Variants in ANKMY1 observed in about 807,000 individuals in gnomAD.
ANKMY1 encodes the protein ankyrin repeat and MYND domain-containing protein 1.
In ANKMY1, 98 loss-of-function variants were observed where a neutral mutation model predicts 102.0. That is an observed-to-expected ratio of 0.96 (90% CI 0.82 to 1.14). The LOEUF (loss-of-function observed/expected upper bound fraction) is 1.14, where lower values mean the gene tolerates loss of function less well. ANKMY1 is among the 50% of genes most tolerant of loss of function. The probability of loss-of-function intolerance (pLI) is 0.00; values close to 1 mark genes in which losing one functional copy is unlikely to be tolerated. For missense variants in ANKMY1, 1,330 were observed against 1,347.6 expected, an observed-to-expected ratio of 0.99 and a Z score of 0.20; for synonymous variants, 582 against 559.9, an observed-to-expected ratio of 1.04 and a Z score of -0.56.
intron 4 of ANKMY1, among the ~76,000 whole-genome samples, chr2:240,542,080 C>T (rs1200716317): frequency 6.6e-6 from 1 of 151,938 alleles, no homozygotes; most frequent in Admixed American, 6.6e-5. Context: ...TAGTGGCGTT[C>T]GCCTGTAATC....
intron 4 of ANKMY1, among the ~76,000 whole-genome samples, chr2:240,537,085 G>A (rs1015981882): frequency 1.1e-4 from 17 of 152,126 alleles, no homozygotes; most frequent in Non-Finnish European, 5.9e-5. Flanking sequence ...AAACAGCACA[G>A]CAAGAAAAAC....
At chr2:240,505,319 G>A (rs191085596) in intron 13 of ANKMY1, among the ~76,000 whole-genome samples, 42 of 152,038 alleles carry the variant, frequency 2.8e-4, no homozygotes, top group Admixed American at 1.2e-3. Flanking sequence ...AAAATCAGCC[G>A]GGTGTGGTGG....
At chr2:240,559,346 AG>A (rs1374648264), upstream of ANKMY1, among the ~76,000 whole-genome samples, 2 of 152,220 alleles carry the variant, frequency 1.3e-5, no homozygotes, top group Non-Finnish European at 2.9e-5. Context: ...GTGGCCCAAC[AG>A]TGGCATCAAG....
chr2:240,537,853 G>A (rs1330970142), intron 4 of ANKMY1, among the ~76,000 whole-genome samples: 1 of 152,218 alleles, frequency 6.6e-6, no homozygotes, highest in Non-Finnish European at 1.5e-5. Flanking sequence ...CCAATCAAAT[G>A]TAGCCACTGT....
intron 15 of ANKMY1, among the ~76,000 whole-genome samples, chr2:240,493,798 A>G (rs1435333499): frequency 6.6e-6 from 1 of 152,150 alleles, no homozygotes; most frequent in African/African-American, 2.4e-5. Context: ...GTTGGCAACT[A>G]CTGGCAGGTC....
chr2:240,526,237 C>G lies in ANKMY1; in HGVS notation c.1162G>C (p.Ala388Pro). ...ADAKGYTVLAAAATHCHNDIV... is the reference protein window; with the variant it reads ...ADAKGYTVLAPAATHCHNDIV... ...GAGGGTGTGGGGCTTACAGCAGCCG[C>G]AGCAAGCACAGTGTAGCCCTTTGCG... is the stretch of plus-strand genomic sequence containing the variant. The change falls in exon 6 of 18, where the codon GCG becomes CCG. Residue 388 changes from alanine (A) to proline (P), a missense_variant. Coordinates refer to ENST00000401804, the MANE Select transcript of ANKMY1 (RefSeq NM_001282771.3). 1 of 1,614,074 alleles carries G rather than the reference C, an allele frequency of 6.2e-7. No individual in the cohort carries two copies. Among genetic ancestry groups the G allele is most frequent in the South Asian group, 1.1e-5 (1 of 91,090 alleles).
chr2:240,519,757 T>A (rs998348114), intron 9 of ANKMY1: 1 of 198,616 alleles, frequency 5.0e-6, no homozygotes, highest in African/African-American at 2.4e-5. Flanking sequence ...CACTAAACTT[T>A]CTTCGAAGAA....
Position 240,555,017 on chromosome 2 carries a change from G to C in ANKMY1, c.185C>G (p.Ala62Gly). 3.1e-6 allele frequency: 5 copies of C among 1,614,128 alleles called. No homozygotes were observed. Among genetic ancestry groups the C allele is most frequent in the Non-Finnish European group, 3.4e-6 (4 of 1,180,004 alleles). Residue 62 changes from alanine (A) to glycine (G), a missense_variant, in exon 3 of 18, where the codon GCT becomes GGT. Transcript: ENST00000401804. ...GTCCTGCGCCCTCAGCGGGCCCTCA[G>C]CTTCCTCCTCTTCCTTCTCAGGGGC... The part of the protein sequence containing the change: ...SAAPEKEEEE[A>G]EGPLRAQDLR...
intron 4 of ANKMY1, among the ~76,000 whole-genome samples, chr2:240,535,635 C>T (rs1407976437): frequency 6.6e-6 from 1 of 152,118 alleles, no homozygotes; most frequent in African/African-American, 2.4e-5. Flanking sequence ...TAATGTTATA[C>T]CAGAGTCAGA....
intron 3 of ANKMY1, chr2:240,554,615 C>T (rs376257872): frequency 2.1e-6 from 1 of 474,608 alleles, no homozygotes; most frequent in Non-Finnish European, 3.8e-6. Context: ...AACGTCTGCC[C>T]AGAATAAGAA....
At chr2:240,477,456 G>T (rs1053254403), downstream of ANKMY1, among the ~76,000 whole-genome samples, 3 of 152,192 alleles carry the variant, frequency 2.0e-5, no homozygotes, top group Non-Finnish European at 2.9e-5. Context: ...GAGCACAGTG[G>T]TGCCATCACA....
intron 13 of ANKMY1, 55 bp from the exon 14 acceptor site, chr2:240,500,620 A>G: frequency 6.6e-7 from 1 of 1,518,938 alleles, no homozygotes; most frequent in Non-Finnish European, 9.1e-7. Context: ...TACTGGGAGC[A>G]GCGGAAGCAC....
rs1336330153 is a variant in ANKMY1, at chr2:240,529,159, T to G, written c.831A>C (p.Lys277Asn). Reference protein sequence around the residue: ...DHLPMTSSFRKELDARIFLNE... With the variant: ...DHLPMTSSFRNELDARIFLNE... Reference sequence around the variant, plus strand: ...TGAGGAAGATGCGGGCGTCCAGCTCTTTGCGGAAAGAGCTTGTCATGGGCA... The same window carrying G: ...TGAGGAAGATGCGGGCGTCCAGCTCGTTGCGGAAAGAGCTTGTCATGGGCA... The change falls in exon 5 of 18, where the codon AAA (lysine) becomes AAC (asparagine). Residue 277 changes from lysine (K) to asparagine (N), a missense_variant. Coordinates refer to ENST00000401804, the MANE Select transcript of ANKMY1 (RefSeq NM_001282771.3). The surrounding 1 kb of genome is among the most constrained non-coding windows in gnomAD (Gnocchi z 4.2). 1 of 1,614,182 alleles carries G rather than the reference T, an allele frequency of 6.2e-7. No homozygotes were observed. Among genetic ancestry groups the G allele is most frequent in the Non-Finnish European group, 8.5e-7 (1 of 1,180,032 alleles).
the ANKMY1 span, among the ~76,000 whole-genome samples, chr2:240,472,139 TC>T: frequency 1.3e-5 from 2 of 148,590 alleles, no homozygotes; most frequent in African/African-American, 2.6e-5. Flanking sequence ...ACTCCATCCT[TC>T]CCCAGTCACA....
chr2:240,489,453 T>A (rs2076399975), intron 15 of ANKMY1, among the ~76,000 whole-genome samples: 1 of 133,874 alleles, frequency 7.5e-6, no homozygotes, highest in South Asian at 2.2e-4. Flanking sequence ...CAAGACTCTA[T>A]CTCAAAAAAA....
At chr2:240,487,452 C>A (rs2076178161) in intron 15 of ANKMY1, among the ~76,000 whole-genome samples, 1 of 152,154 alleles carries the variant, frequency 6.6e-6, no homozygotes. Flanking sequence ...TAGGCAAGTG[C>A]AGATACTCCT....
At chr2:240,501,116 G>A (rs1011898269) in intron 13 of ANKMY1, among the ~76,000 whole-genome samples, 1 of 152,004 alleles carries the variant, frequency 6.6e-6, no homozygotes, top group South Asian at 2.1e-4. Context: ...GTGGATATGT[G>A]TGTGTGTGTG....
the ANKMY1 span, among the ~76,000 whole-genome samples, chr2:240,470,662 G>A: frequency 1.3e-5 from 2 of 152,086 alleles, no homozygotes; most frequent in South Asian, 2.1e-4. Context: ...ATGCAGCATC[G>A]GCCTGGGAAG....
chr2:240,519,746 A>G, intron 9 of ANKMY1: 1 of 198,478 alleles, frequency 5.0e-6, no homozygotes, highest in Non-Finnish European at 1.1e-5. Context: ...CTCAGCAGAA[A>G]CACTAAACTT....
Sources: allele counts gnomAD v4.1 joint callset (sites outside exome capture counted in the v4.1 genomes callset), GRCh38; gene constraint gnomAD v4.1.1; non-coding constraint Gnocchi (gnomAD v3.1); transcripts MANE v1.5; gene names NCBI Gene and HGNC (gene_info 2026-07-23, HGNC 2026-07-21).